EYS: variants seen among roughly 807,000 people sequenced by gnomAD.
The protein encoded by EYS is protein eyes shut homolog.
Under a neutral mutation model 282.1 loss-of-function variants are expected in EYS, and 250 were observed. The ratio of observed to expected loss-of-function variants is 0.89; its 90% CI spans 0.80 to 0.98. The LOEUF (loss-of-function observed/expected upper bound fraction) is 0.98, where lower values mean the gene tolerates loss of function less well. Among genes scored for constraint, EYS ranks in the 50% least tolerant of loss-of-function variants. EYS has a pLI of 0.00. For missense variants in EYS, 4,016 were observed against 3,709.0 expected (o/e 1.08, Z -2.15); for synonymous variants, 1,355 against 1,282.9 (o/e 1.06, Z -1.20).
intron 29 of EYS, among the ~76,000 whole-genome samples, chr6:64,340,979 A>G (rs764634641): frequency 4.2e-4 from 63 of 151,770 alleles, no homozygotes; most frequent in Non-Finnish European, 7.8e-4. Flanking sequence ...ATTGTCACTA[A>G]TCATCAGAGA....
chr6:65,073,665 T>C (rs1345591259), intron 12 of EYS, among the ~76,000 whole-genome samples: 3 of 151,924 alleles, frequency 2.0e-5, no homozygotes, highest in South Asian at 2.1e-4. Flanking sequence ...ATTTTTTATA[T>C]ATGAAAAATG....
intron 29 of EYS, among the ~76,000 whole-genome samples, chr6:64,377,182 T>A (rs1031000871): frequency 1.3e-5 from 2 of 152,096 alleles, no homozygotes; most frequent in Non-Finnish European, 2.9e-5. Context: ...TCAGCTCTTA[T>A]CTCATTGAAA....
At chr6:64,274,329 C>T (rs903764310) in intron 30 of EYS, among the ~76,000 whole-genome samples, 6 of 152,154 alleles carry the variant, frequency 3.9e-5, no homozygotes, top group Admixed American at 3.3e-4. Flanking sequence ...CCCGCGCCAC[C>T]ACGCCGGGCT....
intron 2 of EYS, among the ~76,000 whole-genome samples, chr6:65,552,310 C>A (rs903764923): frequency 2.0e-5 from 3 of 152,088 alleles, no homozygotes; most frequent in Non-Finnish European, 4.4e-5. Context: ...TGACCCTAAG[C>A]AAAAGTGATC....
At chr6:64,689,709 A>G (rs1770300174) in intron 22 of EYS, among the ~76,000 whole-genome samples, 1 of 152,218 alleles carries the variant, frequency 6.6e-6, no homozygotes, top group Non-Finnish European at 1.5e-5. Flanking sequence ...CAAACCTGAC[A>G]AAAACAAGCA....
Position 65,353,445 on chromosome 6 carries a change from A to G in EYS, c.1459+13T>C. The G allele has an allele frequency of 6.2e-7, 1 of 1,612,210 alleles. No homozygotes were observed. Among genetic ancestry groups the G allele is most frequent in the Non-Finnish European group, 8.5e-7 (1 of 1,178,724 alleles). On this transcript the variant is annotated intron_variant, in intron 9 of 42. Coordinates refer to ENST00000503581, the MANE Select transcript of EYS (RefSeq NM_001142800.2). ...ATTCAAGCAGATTGAAAAAAATTAC[A>G]TAAATTTGTTACCTGCAAATCCCAA...
rs928085633 is a variant in EYS at position 65,495,704 on chromosome 6, C to T, written c.-197-97G>A. On this transcript the variant is annotated intron_variant, in intron 3 of 42. Transcript: ENST00000503581. ...TTTTTGTGGATTTCATAAGAGCCTA[C>T]ACTGCAAAGATAGTGTCACCAGCAG... 13 of 449,732 alleles carry T rather than the reference C, an allele frequency of 2.9e-5. No homozygotes were observed. In the Admixed American group the frequency reaches 5.0e-4, roughly 17 times the overall value. 27.9% of individuals were successfully genotyped at this position (449,732 alleles called of 1,614,324 possible).
intron 31 of EYS, among the ~76,000 whole-genome samples, chr6:64,112,878 A>ATGAG (rs1458778443): frequency 1.3e-5 from 2 of 151,530 alleles, no homozygotes; most frequent in African/African-American, 4.8e-5. Context: ...GTTACTGTGA[A>ATGAG]TGAGGTCCCA....
In EYS at chr6:65,068,968, G is replaced by T. The variant is rs150647246; in HGVS notation, c.2024-11241C>A. On this transcript the variant is annotated intron_variant, in intron 12 of 42. Transcript: ENST00000503581. ...AAAATACATCATCCTTTCAAGAGAT[G>T]ATTTAAATTTTTACCTCACAGAGAC... 6.2e-3 allele frequency among the ~76,000 whole-genome samples: 939 copies of T among 152,000 alleles called. 9 individuals carry two copies. The highest frequency in any genetic ancestry group is 0.021 in the African/African-American group (891 of 41,496).
At chr6:64,829,699 A>G (rs1380786156) in intron 19 of EYS, among the ~76,000 whole-genome samples, 1 of 151,962 alleles carries the variant, frequency 6.6e-6, no homozygotes, top group Non-Finnish European at 1.5e-5. Context: ...ACACTAAATT[A>G]TAGAATGCGG....
At chr6:65,322,546 C>G (rs1765638401) in intron 11 of EYS, among the ~76,000 whole-genome samples, 1 of 151,960 alleles carries the variant, frequency 6.6e-6, no homozygotes. Context: ...CCTGTAATCC[C>G]AGCACTTTGG....
In EYS at chr6:65,571,170, A is replaced by G. The variant is rs896817130; in HGVS notation, c.-333+68608T>C. ...ATTAACAAGAGAAAAACAAACATGT[A>G]TATCTCATACATACATGGGAGAAAA... is the stretch of plus-strand genomic sequence containing the variant. On this transcript the variant is annotated intron_variant, in intron 2 of 42. Transcript: ENST00000503581. Among the ~76,000 whole-genome samples, 24 of 152,118 alleles carry G rather than the reference A, an allele frequency of 1.6e-4. 2 individuals carry two copies. Among genetic ancestry groups the G allele is most frequent in the Admixed American group, 1.4e-3 (21 of 15,258 alleles).
chr6:65,484,836 G>A (rs758387336), intron 5 of EYS, among the ~76,000 whole-genome samples: 4 of 152,176 alleles, frequency 2.6e-5, no homozygotes, highest in Non-Finnish European at 5.9e-5. Flanking sequence ...CTATAGCTGT[G>A]AGCTGAATAA....
rs1766229889 is a variant in EYS at position 65,495,617 on chromosome 6, G to GA, written c.-197-11dup. ...AATGTTGTAAATATTCCTTTAAACA[G>GA]AAAAAAACATATATTGTTAGTGAAG... On this transcript the variant is annotated splice_polypyrimidine_tract_variant and intron_variant, in intron 3 of 42. Transcript: ENST00000503581. 3.3e-6 allele frequency: 2 copies of GA among 603,922 alleles called. No homozygotes were observed. Among genetic ancestry groups the GA allele is most frequent in the Non-Finnish European group, 5.8e-6 (2 of 343,596 alleles). 37.4% of individuals were successfully genotyped at this position (603,922 alleles called of 1,614,324 possible). A position where few individuals can be genotyped will look rare whatever the true frequency, so the allele number is the denominator to read the frequency against.
intron 22 of EYS, among the ~76,000 whole-genome samples, chr6:64,686,837 A>G (rs1181745385): frequency 2.2e-3 from 35 of 15,742 alleles, no homozygotes; most frequent in African/African-American, 3.4e-3. Flanking sequence ...ATATATATAT[A>G]CGTGTATATA....
intron 15 of EYS, among the ~76,000 whole-genome samples, chr6:64,943,782 C>A (rs1215278954): frequency 6.6e-6 from 1 of 151,970 alleles, no homozygotes; most frequent in Non-Finnish European, 1.5e-5. Context: ...GACATAATGC[C>A]CAAAGCATGC....
At chr6:64,313,263 A>G (rs558184202) in intron 29 of EYS, among the ~76,000 whole-genome samples, 1 of 152,178 alleles carries the variant, frequency 6.6e-6, no homozygotes, top group Non-Finnish European at 1.5e-5. Flanking sequence ...CAAATCGATC[A>G]AGCAGAAGAA....
At chr6:64,705,373 A>T (rs1434668981) in intron 22 of EYS, among the ~76,000 whole-genome samples, 1 of 152,204 alleles carries the variant, frequency 6.6e-6, no homozygotes, top group Admixed American at 6.5e-5. Context: ...GGATGGGCAG[A>T]ATCAATATTG....
intron 24 of EYS, among the ~76,000 whole-genome samples, chr6:64,594,286 T>C (rs1766504403): frequency 6.6e-6 from 1 of 152,116 alleles, no homozygotes; most frequent in African/African-American, 2.4e-5. Flanking sequence ...GATCATACTT[T>C]TAGGAAAGAA....
Sources: gnomAD v4.1 joint callset for allele counts (sites outside exome capture counted in the v4.1 genomes callset) on GRCh38, gnomAD v4.1.1 for gene constraint, MANE v1.5 for transcripts, NCBI Gene and HGNC (gene_info 2026-07-23, HGNC 2026-07-21) for gene names.